Variants in PPM1L observed in about 807,000 individuals in gnomAD.
PPM1L encodes the protein protein phosphatase, Mg2+/Mn2+ dependent 1L.
PPM1L carries 13 observed loss-of-function variants against 31.4 expected under a neutral mutation model. That is an observed-to-expected ratio of 0.41 (90% CI 0.27 to 0.66). PPM1L has a LOEUF of 0.66. Ranked by LOEUF, PPM1L falls within the 30% of genes least tolerant of loss-of-function variation. The pLI is 0.29. For missense variants in PPM1L, 326 were observed against 453.7 expected, an observed-to-expected ratio of 0.72 and a Z score of 2.56; for synonymous variants, 184 against 175.4, an observed-to-expected ratio of 1.05 and a Z score of -0.39.
intron 2 of PPM1L, among the ~76,000 whole-genome samples, chr3:161,006,073 C>T (rs1717695168): frequency 6.6e-6 from 1 of 152,056 alleles, no homozygotes; most frequent in Non-Finnish European, 1.5e-5. Flanking sequence ...CTCATTGCAG[C>T]ATTATTCACA....
intron 2 of PPM1L, among the ~76,000 whole-genome samples, chr3:160,968,157 T>C (rs1431786950): frequency 6.6e-6 from 1 of 150,406 alleles, no homozygotes; most frequent in Non-Finnish European, 1.5e-5. Flanking sequence ...CAAGCAAAAG[T>C]AGATTTTGGA....
rs138718541 is a variant in PPM1L, at chr3:160,945,754, A to T, written c.400-15982A>T. On this transcript the variant is annotated intron_variant, in intron 1 of 3. Transcript: ENST00000498165. ...TGCCTCTGTCAATCCTAAGACAGCA[A>T]GACCAACTCCTCCTTTTTCTCCTCC... Among the ~76,000 whole-genome samples, 895 of 152,250 alleles carry T rather than the reference A, an allele frequency of 5.9e-3. 12 individuals carry two copies. Among genetic ancestry groups the T allele is most frequent in the African/African-American group, 0.021 (852 of 41,542 alleles).
At chr3:160,781,860 C>T (rs745307227) in intron 1 of PPM1L, among the ~76,000 whole-genome samples, 8 of 152,124 alleles carry the variant, frequency 5.3e-5, no homozygotes, top group African/African-American at 9.7e-5. Flanking sequence ...GGACATGAGC[C>T]GTACCTATGT....
intron 2 of PPM1L, among the ~76,000 whole-genome samples, chr3:160,997,345 ACT>A (rs1255874669): frequency 6.6e-6 from 1 of 152,088 alleles, no homozygotes; most frequent in African/African-American, 2.4e-5. Flanking sequence ...CGGGAGGTGG[ACT>A]CTGTTCCTCA....
At chr3:160,810,584 T>C (rs1560113400) in intron 1 of PPM1L, among the ~76,000 whole-genome samples, 1 of 152,160 alleles carries the variant, frequency 6.6e-6, no homozygotes, top group Non-Finnish European at 1.5e-5. Flanking sequence ...CCAGAAACAT[T>C]TGGACTTGGC....
At chr3:160,818,664 G>A (rs1428808314) in intron 1 of PPM1L, among the ~76,000 whole-genome samples, 1 of 151,874 alleles carries the variant, frequency 6.6e-6, no homozygotes, top group African/African-American at 2.4e-5. Context: ...GGTCTTGTTA[G>A]ACTACTTTCC....
At chr3:160,952,824 T>C (rs952071261) in intron 1 of PPM1L, among the ~76,000 whole-genome samples, 6 of 152,198 alleles carry the variant, frequency 3.9e-5, no homozygotes, top group African/African-American at 1.4e-4. Context: ...TTTTTAGGCA[T>C]ATATGTGGTG....
intron 2 of PPM1L, among the ~76,000 whole-genome samples, chr3:161,044,380 ATTTATTTT>A (rs1290275531): frequency 6.9e-6 from 1 of 145,400 alleles, no homozygotes; most frequent in Non-Finnish European, 1.5e-5. Context: ...TTATTTATTT[ATTTATTTT>A]TTAGTGGGAG....
Position 161,069,372 on chromosome 3 carries a change from C to T in PPM1L, c.*215C>T. ...CTGGAAAATGGTTTCTTCATGTTTT[C>T]CCAACTCTTTCATCCAGTGTCCAAA... On this transcript the variant is annotated 3_prime_UTR_variant, in exon 4 of 4. Transcript: ENST00000498165. 3.6e-6 allele frequency: 2 copies of T among 562,074 alleles called. No homozygotes were observed. The highest frequency in any genetic ancestry group is 6.3e-6 in the Non-Finnish European group (2 of 319,528). The allele number at this position is 562,074 out of a possible 1,614,324, so 34.8% of individuals were successfully genotyped here.
At position 160,929,455 on chromosome 3, in the gene PPM1L, C is replaced by T. The variant is rs1314680986; in HGVS notation, c.400-32281C>T. 3.3e-5 allele frequency among the ~76,000 whole-genome samples: 5 copies of T among 152,052 alleles called. No individual in the cohort carries two copies. The South Asian group carries it at 8.3e-4, about 25-fold the overall frequency. ...TTCCACTTGCTAGTTGCTGATCCTGCAGGGTCTAAGCTGGAAAAGGAAGGA... is the reference window on the plus strand; with the variant it reads ...TTCCACTTGCTAGTTGCTGATCCTGTAGGGTCTAAGCTGGAAAAGGAAGGA... On this transcript the variant is annotated intron_variant, in intron 1 of 3. Transcript: ENST00000498165.
intron 1 of PPM1L, among the ~76,000 whole-genome samples, chr3:160,873,045 G>A (rs538948879): frequency 3.9e-5 from 6 of 152,316 alleles, no homozygotes; most frequent in South Asian, 2.1e-4. Flanking sequence ...CTTTATCCTA[G>A]TATGTAGGTA....
intron 1 of PPM1L, among the ~76,000 whole-genome samples, chr3:160,893,146 C>A (rs1386036711): frequency 6.6e-6 from 1 of 152,156 alleles, no homozygotes; most frequent in Non-Finnish European, 1.5e-5. Context: ...TGATGAAGAA[C>A]CTTAAAATAT....
chr3:160,833,183 C>T (rs943917339), intron 1 of PPM1L, among the ~76,000 whole-genome samples: 8 of 152,286 alleles, frequency 5.3e-5, no homozygotes, highest in South Asian at 2.1e-4. Context: ...TGGACATTTA[C>T]GTTGATTGCA....
chr3:161,027,283 T>C (rs564120244), intron 2 of PPM1L, among the ~76,000 whole-genome samples: 39 of 152,248 alleles, frequency 2.6e-4, no homozygotes, highest in South Asian at 4.1e-4. Flanking sequence ...CTTTAGACGA[T>C]TGGTGCAATC....
chr3:160,818,067 A>G (rs1304974863), intron 1 of PPM1L, among the ~76,000 whole-genome samples: 1 of 152,044 alleles, frequency 6.6e-6, no homozygotes, highest in Non-Finnish European at 1.5e-5. Context: ...ATAGCATGGG[A>G]AAACCCAAAA....
intron 1 of PPM1L, among the ~76,000 whole-genome samples, chr3:160,898,470 TA>T (rs1472712837): frequency 6.6e-6 from 1 of 152,164 alleles, no homozygotes; most frequent in African/African-American, 2.4e-5. Flanking sequence ...TGTCAAATTT[TA>T]ATGATTTAAC....
At chr3:161,049,073 G>C (rs1719180375) in intron 2 of PPM1L, among the ~76,000 whole-genome samples, 1 of 133,362 alleles carries the variant, frequency 7.5e-6, no homozygotes, top group Non-Finnish European at 1.5e-5. Flanking sequence ...AGAACTTAAA[G>C]TATTAAAAAA....
intron 1 of PPM1L, among the ~76,000 whole-genome samples, chr3:160,767,481 C>T (rs183405594): frequency 1.3e-5 from 2 of 152,200 alleles, no homozygotes; most frequent in Admixed American, 6.5e-5. Context: ...ATGATCCACC[C>T]GCCTCGGCCT....
chr3:160,862,723 A>G (rs955131036), intron 1 of PPM1L, among the ~76,000 whole-genome samples: 8 of 150,176 alleles, frequency 5.3e-5, no homozygotes, highest in Admixed American at 5.3e-4. Flanking sequence ...AAACCCTAAT[A>G]CTGTCAAATC....
Sources: allele counts gnomAD v4.1 joint callset (sites outside exome capture counted in the v4.1 genomes callset), GRCh38; gene constraint gnomAD v4.1.1; transcripts MANE v1.5; gene names NCBI Gene and HGNC (gene_info 2026-07-23, HGNC 2026-07-21).